Variants in NIPAL2 observed in about 807,000 individuals in gnomAD.
NIPAL2 encodes the protein NIPA like domain containing 2.
Under a neutral mutation model 48.9 loss-of-function variants are expected in NIPAL2, and 43 were observed. The observed-to-expected ratio is 0.88, with a 90% CI of 0.69 to 1.13. NIPAL2 has a LOEUF of 1.13. NIPAL2 is among the 50% of genes most tolerant of loss of function. The probability of loss-of-function intolerance (pLI) is 0.00; values close to 1 mark genes in which losing one functional copy is unlikely to be tolerated. For synonymous variants in NIPAL2, 167 were observed against 174.6 expected (o/e 0.96, Z 0.34); for missense variants, 446 against 461.4 (o/e 0.97, Z 0.31).
chr8:98,219,526 C>A (rs1586331985), intron 5 of NIPAL2, among the ~76,000 whole-genome samples: 1 of 152,006 alleles, frequency 6.6e-6, no homozygotes, highest in Non-Finnish European at 1.5e-5. Context: ...GAATCAGGAC[C>A]AAAAAAAGCA....
At chr8:98,284,094 C>T (rs188770520) in intron 1 of NIPAL2, among the ~76,000 whole-genome samples, 7 of 152,302 alleles carry the variant, frequency 4.6e-5, no homozygotes, top group South Asian at 2.1e-4. Context: ...AAAAGCCTCA[C>T]ATCCTACTGG....
At chr8:98,244,463 TG>T (rs763147116) in intron 3 of NIPAL2, among the ~76,000 whole-genome samples, 1 of 61,840 alleles carries the variant, frequency 1.6e-5, no homozygotes, top group South Asian at 6.9e-4. Context: ...GGCGTGGTGA[TG>T]GGGGTAGGCT....
chr8:98,259,069 C>CTTTTTTTTTTTTTTTTTTTTTTTTTTTTT (rs1563531576), intron 1 of NIPAL2, among the ~76,000 whole-genome samples: 2 of 89,356 alleles, frequency 2.2e-5, no homozygotes, highest in African/African-American at 9.2e-5. Flanking sequence ...TTTAAATATT[C>CTTTTTTTTTTTTTTTTTTTTTTTTTTTTT]CTTTTTTTTT....
intron 10 of NIPAL2, 56 bp from the exon 11 acceptor site, chr8:98,193,146 T>C: frequency 7.2e-7 from 1 of 1,396,032 alleles, no homozygotes; most frequent in Non-Finnish European, 1.0e-6. Flanking sequence ...AAATAAGTCT[T>C]AATAATTTCT....
chr8:98,222,718 A>G (rs975207809), intron 4 of NIPAL2, 118 bp from the exon 5 acceptor site: 3 of 959,198 alleles, frequency 3.1e-6, no homozygotes, highest in Admixed American at 4.4e-5. Context: ...CCTCCCTATT[A>G]TACTCCGTTT....
chr8:98,212,945 A>T (rs1722686191), intron 5 of NIPAL2, among the ~76,000 whole-genome samples: 1 of 152,102 alleles, frequency 6.6e-6, no homozygotes, highest in African/African-American at 2.4e-5. Context: ...CTTCCTCTCT[A>T]GACAGCTGCA....
chr8:98,257,061 C>T (rs1339040889), intron 1 of NIPAL2, among the ~76,000 whole-genome samples: 29 of 152,136 alleles, frequency 1.9e-4, no homozygotes, highest in Admixed American at 1.9e-3. Context: ...GACTGGTGGA[C>T]CCTCCCCTAG....
intron 4 of NIPAL2, among the ~76,000 whole-genome samples, chr8:98,229,751 T>C (rs2130775499): frequency 6.6e-6 from 1 of 152,338 alleles, no homozygotes; most frequent in African/African-American, 2.4e-5. Flanking sequence ...ATGAGAGTTA[T>C]GGTATAATCA....
In NIPAL2 at chr8:98,211,733, A is replaced by AGTGTGTGTGTGTGTGTGTGT. The variant is rs1156409051; in HGVS notation, c.655+652_655+671dup. ...GAGTGAGAGAGAGAGAGAGAGAGAA[A>AGTGTGTGTGTGTGTGTGTGT]GTGTGTGTGTGTGTGTGTGTGTGTG... On this transcript the variant is annotated intron_variant, in intron 6 of 10. Coordinates refer to ENST00000430223, the MANE Select transcript of NIPAL2 (RefSeq NM_001321635.2). Among the ~76,000 whole-genome samples, 50 of 109,146 alleles carry AGTGTGTGTGTGTGTGTGTGT rather than the reference A, an allele frequency of 4.6e-4. 1 individual carries two copies. The highest frequency in any genetic ancestry group is 1.8e-3 in the African/African-American group (47 of 25,954). The allele number at this position is 109,146 out of a possible 152,430, so 71.6% of individuals were successfully genotyped here.
chr8:98,222,423 G>T (rs2130754572), intron 5 of NIPAL2, 56 bp downstream of exon 5: 1 of 1,561,802 alleles, frequency 6.4e-7, no homozygotes, highest in South Asian at 1.2e-5. Flanking sequence ...TATCTGCATG[G>T]ACCAGTGGTC....
chr8:98,197,245 G>A (rs1202645585), intron 8 of NIPAL2, among the ~76,000 whole-genome samples: 1 of 152,026 alleles, frequency 6.6e-6, no homozygotes, highest in Non-Finnish European at 1.5e-5. Flanking sequence ...GTACATAAAA[G>A]TTATGTTTAC....
chr8:98,267,412 C>A (rs1814840289), intron 1 of NIPAL2, among the ~76,000 whole-genome samples: 1 of 151,662 alleles, frequency 6.6e-6, no homozygotes, highest in African/African-American at 2.4e-5. Flanking sequence ...CAGCTTTGAC[C>A]TTCTGGGTTC....
chr8:98,203,049 C>T, intron 8 of NIPAL2, 59 bp downstream of exon 8: 2 of 1,305,548 alleles, frequency 1.5e-6, no homozygotes, highest in South Asian at 2.4e-5. Context: ...CTCTCATTTA[C>T]TCTGGGAGAA....
intron 4 of NIPAL2, among the ~76,000 whole-genome samples, chr8:98,224,564 A>T (rs1340650570): frequency 6.6e-6 from 1 of 151,542 alleles, no homozygotes; most frequent in Admixed American, 6.6e-5. Context: ...CTTCACATCC[A>T]CGTCTGCATT....
At chr8:98,264,455 C>A (rs1271147324) in intron 1 of NIPAL2, among the ~76,000 whole-genome samples, 1 of 148,308 alleles carries the variant, frequency 6.7e-6, no homozygotes, top group Non-Finnish European at 1.5e-5. Context: ...AATCAATGTA[C>A]AAAAATCACA....
intron 3 of NIPAL2, among the ~76,000 whole-genome samples, chr8:98,241,967 C>A (rs1051447071): frequency 3.9e-5 from 6 of 152,016 alleles, no homozygotes; most frequent in Middle Eastern, 3.2e-3. Context: ...CACTAGACCA[C>A]AATGGCCATA....
chr8:98,258,236 G>T (rs1814026680), intron 1 of NIPAL2, among the ~76,000 whole-genome samples: 1 of 152,160 alleles, frequency 6.6e-6, no homozygotes, highest in South Asian at 2.1e-4. Context: ...TTGGGGGAGG[G>T]AAGAATGGGG....
intron 4 of NIPAL2, among the ~76,000 whole-genome samples, chr8:98,224,755 C>CTTTTTTTTTTTTTTT (rs371936351): frequency 7.6e-4 from 94 of 123,730 alleles, no homozygotes; most frequent in Middle Eastern, 5.1e-3. Flanking sequence ...TCTTTCTTTT[C>CTTTTTTTTTTTTTTT]TTTTTTTTTT....
At chr8:98,240,157 G>T (rs1319238236) in intron 3 of NIPAL2, among the ~76,000 whole-genome samples, 1 of 152,206 alleles carries the variant, frequency 6.6e-6, no homozygotes, top group Non-Finnish European at 1.5e-5. Context: ...TTAAACCATA[G>T]TTATGACTGG....
Sources: allele counts gnomAD v4.1 joint callset (sites outside exome capture counted in the v4.1 genomes callset), GRCh38; gene constraint gnomAD v4.1.1; transcripts MANE v1.5; gene names NCBI Gene and HGNC (gene_info 2026-07-23, HGNC 2026-07-21).